NPR3: variants seen among roughly 807,000 people sequenced by gnomAD.
NPR3 encodes the protein atrial natriuretic peptide receptor 3.
In NPR3, 34 loss-of-function variants were observed where a neutral mutation model predicts 54.5. That is an observed-to-expected ratio of 0.62 (90% CI 0.47 to 0.83). NPR3 has a LOEUF of 0.83. NPR3 is among the 40% of genes least tolerant of loss of function. The probability of loss-of-function intolerance (pLI) is 0.00; values close to 1 mark genes in which losing one functional copy is unlikely to be tolerated. For synonymous variants in NPR3, 289 were observed against 297.1 expected, an observed-to-expected ratio of 0.97 and a Z score of 0.28; for missense variants, 674 against 720.8, an observed-to-expected ratio of 0.94 and a Z score of 0.74.
intron 2 of NPR3, among the ~76,000 whole-genome samples, chr5:32,731,764 A>T (rs996811457): frequency 2.0e-5 from 3 of 152,146 alleles, no homozygotes; most frequent in Non-Finnish European, 2.9e-5. Flanking sequence ...TGCATTAGGA[A>T]TTGCATCTTC....
At chr5:32,712,712 C>T (rs949291417) in intron 1 of NPR3, among the ~76,000 whole-genome samples, 167 bp downstream of exon 1, 8 of 152,242 alleles carry the variant, frequency 5.3e-5, no homozygotes, top group Admixed American at 1.3e-4. Context: ...CAACCTTTGA[C>T]GACCGCCCAT....
intron 1 of NPR3, among the ~76,000 whole-genome samples, chr5:32,692,215 C>T (rs1168988703): frequency 1.3e-5 from 2 of 152,092 alleles, no homozygotes; most frequent in Non-Finnish European, 2.9e-5. Flanking sequence ...GAATGATTTG[C>T]AAATGAAGAA....
intron 3 of NPR3, among the ~76,000 whole-genome samples, chr5:32,751,967 C>G (rs530958209): frequency 3.2e-4 from 49 of 152,168 alleles, no homozygotes; most frequent in African/African-American, 1.2e-3. Context: ...TTTGGGAGGC[C>G]AAGCCAGGTG....
rs938972565 is a variant in NPR3 at position 32,696,323 on chromosome 5, T to C, written c.100+7137T>C. On this transcript the variant is annotated intron_variant, in intron 1 of 5. Coordinates refer to the NPR3 transcript ENST00000509104. ...AGTTCACTGTAGAGGTATGGATTTG[T>C]TTCTGGGTTCTCTATTCTGTTACAT... is the stretch of plus-strand genomic sequence containing the variant. 5.3e-5 allele frequency among the ~76,000 whole-genome samples: 8 copies of C among 152,346 alleles called. 1 individual carries two copies. The highest frequency in any genetic ancestry group is 3.4e-3 in the Middle Eastern group (1 of 294).
chr5:32,708,012 AAAAAC>A (rs1442180389), upstream of NPR3, among the ~76,000 whole-genome samples: 494 of 140,734 alleles, frequency 3.5e-3, 4 homozygotes, highest in African/African-American at 0.014. Context: ...AAAAAAAAAA[AAAAAC>A]AACCCAAACA....
At chr5:32,732,959 C>T (rs571958890) in intron 2 of NPR3, among the ~76,000 whole-genome samples, 15 of 152,192 alleles carry the variant, frequency 9.9e-5, no homozygotes, top group South Asian at 2.1e-4. Flanking sequence ...ATTCTTCTGC[C>T]TCAGCCTCCC....
chr5:32,771,871 A>G (rs1741778285), intron 3 of NPR3, among the ~76,000 whole-genome samples: 2 of 152,106 alleles, frequency 1.3e-5, no homozygotes, highest in Non-Finnish European at 1.5e-5. Flanking sequence ...GGCATCTCCC[A>G]TAGGCCATGA....
At chr5:32,721,834 A>G (rs1426689792) in intron 1 of NPR3, among the ~76,000 whole-genome samples, 1 of 152,196 alleles carries the variant, frequency 6.6e-6, no homozygotes, top group African/African-American at 2.4e-5. Flanking sequence ...AGGAAGTCCA[A>G]GAGCATGGTG....
Position 32,784,807 on chromosome 5 carries a change from G to A in NPR3, c.1438G>A (p.Glu480Lys). 6.2e-7 allele frequency: 1 copy of A among 1,613,580 alleles called. No individual in the cohort carries two copies. Reference protein sequence around the residue: ...SSPCKSSGGLEESAVTGIVVG... With the variant: ...SSPCKSSGGLKESAVTGIVVG... ...GCTTCTTTTTCAAGCAGGTGGCCTA[G>A]AAGAATCGGCAGTGACAGGAATTGT... Residue 480 changes from glutamate (E) to lysine (K), a missense_variant, in exon 7 of 8, where the codon GAA becomes AAA. Glu to Lys is a moderately conservative substitution (Grantham distance 56). Coordinates refer to ENST00000265074, the MANE Select transcript of NPR3 (RefSeq NM_001204375.2).
upstream of NPR3, among the ~76,000 whole-genome samples, chr5:32,708,753 A>T (rs1031926379): frequency 6.6e-6 from 1 of 152,208 alleles, no homozygotes; most frequent in Admixed American, 6.5e-5. Flanking sequence ...GAAAGTAAAC[A>T]AACCCGTAAC....
intron 3 of NPR3, among the ~76,000 whole-genome samples, chr5:32,744,769 A>G (rs569929945): frequency 5.3e-4 from 81 of 152,152 alleles, no homozygotes; most frequent in Admixed American, 8.5e-4. Context: ...ACCCCAGACT[A>G]TGTCATGGTG....
chr5:32,702,132 C>A (rs1230203757), intron 1 of NPR3, among the ~76,000 whole-genome samples: 1 of 152,178 alleles, frequency 6.6e-6, no homozygotes, highest in Non-Finnish European at 1.5e-5. Flanking sequence ...GTTCCCCCTG[C>A]CCCTGGGTAG....
chr5:32,711,302 G>A (rs867573249), upstream of NPR3: 2 of 982,432 alleles, frequency 2.0e-6, no homozygotes, highest in South Asian at 4.7e-5. Context: ...TTTAAACGCG[G>A]GCTATGGATC....
rs765541392 is a variant in NPR3, at chr5:32,738,922, G to A, written c.951G>A (p.Ser317=). ...KHDFEAKQAY[S]SLQTVTLLRT... is the part of the protein sequence containing the mutation. ...ACTTTGAAGCTAAGCAAGCATACTCGTCCCTCCAGACAGTCACTCTACTGA... is the reference window on the plus strand; with the variant it reads ...ACTTTGAAGCTAAGCAAGCATACTCATCCCTCCAGACAGTCACTCTACTGA... The change falls in exon 3 of 8, where the codon TCG becomes TCA. Residue 317 remains serine (S), a synonymous_variant. Transcript: ENST00000265074. 34 of 1,613,752 alleles carry A rather than the reference G, an allele frequency of 2.1e-5. No homozygotes were observed. The highest frequency in any genetic ancestry group is 6.6e-5 in the South Asian group (6 of 91,074).
intron 3 of NPR3, among the ~76,000 whole-genome samples, chr5:32,762,863 T>C (rs1741251777): frequency 6.6e-6 from 1 of 152,246 alleles, no homozygotes. Context: ...ATTTTGGCTT[T>C]TGTTGCCATT....
chr5:32,754,367 A>T (rs995229628), intron 3 of NPR3, among the ~76,000 whole-genome samples: 1 of 151,796 alleles, frequency 6.6e-6, no homozygotes, highest in Admixed American at 6.6e-5. Context: ...TCTTTTTTTA[A>T]GCTCAAGCAC....
At chr5:32,709,077 T>A (rs2111829245), upstream of NPR3, among the ~76,000 whole-genome samples, 1 of 152,248 alleles carries the variant, frequency 6.6e-6, no homozygotes, top group Admixed American at 6.5e-5. Context: ...CGCACTGCCC[T>A]GCTGTTGAAC....
upstream of NPR3, chr5:32,710,800 C>T: frequency 1.2e-5 from 18 of 1,525,410 alleles, no homozygotes; most frequent in Non-Finnish European, 1.5e-5. Context: ...GCAAGCGGCA[C>T]CTAAGGATTT....
At position 32,712,556 on chromosome 5, in the gene NPR3, GC is replaced by G; in HGVS notation, c.769+12del. 6.6e-6 allele frequency: 10 copies of G among 1,505,438 alleles called. No individual in the cohort carries two copies. The highest frequency in any genetic ancestry group is 8.8e-6 in the Non-Finnish European group (10 of 1,132,664). The allele number at this position is 1,505,438 out of a possible 1,614,324, so 93.3% of individuals were successfully genotyped here. ...AGGCCAGTGAGAGAGGTGAGCAGGGGCGCGTCCCGGGCCCCGGGCCCTAACC... is the reference window on the plus strand; with the variant it reads ...AGGCCAGTGAGAGAGGTGAGCAGGGGGCGTCCCGGGCCCCGGGCCCTAACC... On this transcript the variant is annotated intron_variant, in intron 1 of 7. Coordinates refer to ENST00000265074, the MANE Select transcript of NPR3 (RefSeq NM_001204375.2).
Sources: gnomAD v4.1 joint callset for allele counts (sites outside exome capture counted in the v4.1 genomes callset) on GRCh38, gnomAD v4.1.1 for gene constraint, MANE v1.5 for transcripts, NCBI Gene and HGNC (gene_info 2026-07-23, HGNC 2026-07-21) for gene names.